Variants in CTNNA1 observed in about 807,000 individuals in gnomAD.
The protein encoded by CTNNA1 is catenin alpha 1, also known as catenin alpha-1.
In CTNNA1, 37 loss-of-function variants were observed where a neutral mutation model predicts 98.4. The ratio of observed to expected loss-of-function variants is 0.38; its 90% CI spans 0.29 to 0.49. The LOEUF (loss-of-function observed/expected upper bound fraction) is 0.49, where lower values mean the gene tolerates loss of function less well. Ranked by LOEUF, CTNNA1 falls within the 20% of genes least tolerant of loss-of-function variation. The pLI is 0.95. For synonymous variants in CTNNA1, 404 were observed against 413.2 expected (o/e 0.98, Z 0.27); for missense variants, 761 against 1,147.2 (o/e 0.66, Z 4.86).
At chr5:138,852,940 C>T (rs750150960) in intron 7 of CTNNA1, among the ~76,000 whole-genome samples, 1 of 151,704 alleles carries the variant, frequency 6.6e-6, no homozygotes, top group Non-Finnish European at 1.5e-5. Flanking sequence ...TGTTCACAAA[C>T]CTGCATCATC....
In CTNNA1 at chr5:138,887,484, C is replaced by T. The variant is rs778553119; in HGVS notation, c.1144-6C>T. On this transcript the variant is annotated splice_region_variant and splice_polypyrimidine_tract_variant and intron_variant, in intron 8 of 17. Coordinates refer to ENST00000302763, the MANE Select transcript of CTNNA1 (RefSeq NM_001903.5). ...TAAAATCAAATTTTTACAATTTAAT[C>T]ATTAGCTCCGCAAAGCTGTCATGGA... 6.3e-7 allele frequency: 1 copy of T among 1,581,254 alleles called. No homozygotes were observed. The highest frequency in any genetic ancestry group is 1.2e-5 in the South Asian group (1 of 85,314).
At chr5:138,930,967 A>G (rs756051103) in intron 16 of CTNNA1, 32 bp downstream of exon 16, 12 of 1,461,452 alleles carry the variant, frequency 8.2e-6, no homozygotes, top group East Asian at 4.5e-5. Flanking sequence ...TGGGTCTCCA[A>G]GCTCCTCCTG....
intron 7 of CTNNA1, among the ~76,000 whole-genome samples, chr5:138,832,208 A>G (rs1395901825): frequency 6.6e-6 from 1 of 152,230 alleles, no homozygotes; most frequent in African/African-American, 2.4e-5. Context: ...TAGTGGTTTG[A>G]TGAAGAGTTG....
chr5:138,759,592 C>T (rs1561493284), intron 1 of CTNNA1, among the ~76,000 whole-genome samples: 1 of 152,110 alleles, frequency 6.6e-6, no homozygotes, highest in African/African-American at 2.4e-5. Flanking sequence ...TAATGGCTAT[C>T]CTTCTCAGTG....
At chr5:138,768,568 T>G (rs867149646) in intron 1 of CTNNA1, among the ~76,000 whole-genome samples, 5,208 of 145,486 alleles carry the variant, frequency 0.036, 271 homozygotes, top group African/African-American at 0.11. Flanking sequence ...GTTTTTTTTT[T>G]TTTTTTTTTT....
chr5:138,934,252 G>GTTGA lies in CTNNA1; in HGVS notation c.*166_*169dup, dbSNP rs1006057204. ...TGAATTTTCCAAGAACATAGTTTAA[G>GTTGA]TTGATTAAAAATGCTTTTAGAATGC... On this transcript the variant is annotated 3_prime_UTR_variant, in exon 18 of 18. Coordinates refer to ENST00000302763, the MANE Select transcript of CTNNA1 (RefSeq NM_001903.5). 3.1e-5 allele frequency: 18 copies of GTTGA among 586,804 alleles called. No homozygotes were observed. Among genetic ancestry groups the GTTGA allele is most frequent in the East Asian group, 1.4e-4 (5 of 35,340 alleles). 36.3% of individuals were successfully genotyped at this position (586,804 alleles called of 1,614,324 possible). A position where few individuals can be genotyped will look rare whatever the true frequency, so the allele number is the denominator to read the frequency against.
At chr5:138,813,657 A>T (rs773169482) in intron 5 of CTNNA1, among the ~76,000 whole-genome samples, 9 of 152,042 alleles carry the variant, frequency 5.9e-5, no homozygotes, top group South Asian at 2.1e-4. Flanking sequence ...AGGAGATCTC[A>T]CTCTGTTGCC....
intron 6 of CTNNA1, among the ~76,000 whole-genome samples, chr5:138,826,470 A>G (rs1369711884): frequency 2.0e-5 from 3 of 152,206 alleles, no homozygotes; most frequent in African/African-American, 7.2e-5. Flanking sequence ...CCTATAGCTT[A>G]CTTGTGACCA....
intron 7 of CTNNA1, among the ~76,000 whole-genome samples, chr5:138,883,775 T>C (rs935281134): frequency 2.0e-5 from 3 of 152,158 alleles, no homozygotes; most frequent in Non-Finnish European, 4.4e-5. Flanking sequence ...TTTAGAGAAA[T>C]TTTCTTGACG....
intron 7 of CTNNA1, among the ~76,000 whole-genome samples, chr5:138,848,299 T>C (rs1265528926): frequency 6.6e-6 from 1 of 152,264 alleles, no homozygotes; most frequent in Admixed American, 6.5e-5. Flanking sequence ...AAGAGTCATG[T>C]AAGGCACAAC....
At chr5:138,927,750 G>GAA (rs1369679669) in intron 13 of CTNNA1, among the ~76,000 whole-genome samples, 1 of 152,092 alleles carries the variant, frequency 6.6e-6, no homozygotes, top group African/African-American at 2.4e-5. Context: ...ATGAATGAGA[G>GAA]TACTCGGTTT....
chr5:138,895,230 G>GC (rs1001045900), intron 9 of CTNNA1, among the ~76,000 whole-genome samples: 2 of 152,102 alleles, frequency 1.3e-5, no homozygotes, highest in African/African-American at 4.8e-5. Context: ...CTACCACCCA[G>GC]CCCCCTCCCC....
intron 7 of CTNNA1, among the ~76,000 whole-genome samples, chr5:138,843,297 G>A (rs184470172): frequency 4.7e-4 from 72 of 152,286 alleles, no homozygotes; most frequent in African/African-American, 1.7e-3. Context: ...CCTTTTGGTG[G>A]TTATGTTAGA....
chr5:138,778,471 T>G (rs1269186741), intron 1 of CTNNA1, among the ~76,000 whole-genome samples: 1 of 152,148 alleles, frequency 6.6e-6, no homozygotes, highest in Non-Finnish European at 1.5e-5. Flanking sequence ...GTTTGTGTCC[T>G]TATTAGGGAC....
chr5:138,911,115 C>CA (rs1489460462), intron 10 of CTNNA1, among the ~76,000 whole-genome samples: 1 of 152,110 alleles, frequency 6.6e-6, no homozygotes, highest in Non-Finnish European at 1.5e-5. Flanking sequence ...TGCAAGGCTA[C>CA]AGTCCTGGCT....
intron 3 of CTNNA1, among the ~76,000 whole-genome samples, chr5:138,803,768 C>G (rs1354901825): frequency 6.6e-5 from 10 of 152,194 alleles, no homozygotes; most frequent in Non-Finnish European, 1.3e-4. Context: ...TCCCTTTTCT[C>G]TCTGTCCTCC....
intron 9 of CTNNA1, among the ~76,000 whole-genome samples, chr5:138,892,119 A>G (rs1242852946): frequency 6.6e-6 from 1 of 152,128 alleles, no homozygotes; most frequent in Non-Finnish European, 1.5e-5. Context: ...ATTCCCTAAA[A>G]TGTATAAAAC....
chr5:138,775,377 A>G (rs1163343467), intron 1 of CTNNA1, among the ~76,000 whole-genome samples: 1 of 152,192 alleles, frequency 6.6e-6, no homozygotes, highest in East Asian at 1.9e-4. Flanking sequence ...TTTAAAAACC[A>G]AAGTGTAGGC....
intron 7 of CTNNA1, among the ~76,000 whole-genome samples, chr5:138,842,511 G>A (rs28363423): frequency 3.4e-4 from 52 of 152,220 alleles, no homozygotes; most frequent in African/African-American, 1.2e-3. Context: ...TTGTGATAAA[G>A]GATCCTCTCA....
Sources: allele counts gnomAD v4.1 joint callset (sites outside exome capture counted in the v4.1 genomes callset), GRCh38; gene constraint gnomAD v4.1.1; transcripts MANE v1.5; gene names NCBI Gene and HGNC (gene_info 2026-07-23, HGNC 2026-07-21).